Variants in UGGT2 observed in about 807,000 individuals in gnomAD.
UGGT2 encodes the protein UDP-glucose glycoprotein glucosyltransferase 2.
In UGGT2, 180 loss-of-function variants were observed where a neutral mutation model predicts 192.1. The observed-to-expected ratio is 0.94, with a 90% CI of 0.83 to 1.06. The LOEUF is 1.06. Ranked by LOEUF, UGGT2 falls within the 50% of genes least tolerant of loss-of-function variation. UGGT2 has a pLI of 0.00. For synonymous variants in UGGT2, 580 were observed against 591.0 expected (o/e 0.98, Z 0.27); for missense variants, 1,849 against 1,795.7 (o/e 1.03, Z -0.54).
chr13:95,983,194 T>C (rs2051181417), intron 10 of UGGT2, among the ~76,000 whole-genome samples: 1 of 152,182 alleles, frequency 6.6e-6, no homozygotes, highest in Non-Finnish European at 1.5e-5. Flanking sequence ...GTTGGTACCA[T>C]CCACCCTGCC....
rs746036072 is a variant in UGGT2 at position 95,877,745 on chromosome 13, T to C, written c.3340A>G (p.Thr1114Ala). The C allele has an allele frequency of 1.2e-6, 2 of 1,613,950 alleles. No homozygotes were observed. The highest frequency in any genetic ancestry group is 2.7e-5 in the African/African-American group (2 of 74,928). Residue 1114 changes from threonine (T) to alanine (A), a missense_variant, in exon 28 of 39, where the codon ACA becomes GCA. Thr to Ala is a moderately conservative substitution (Grantham distance 58, BLOSUM62 0). Transcript: ENST00000376747. Reference sequence around the variant, plus strand: ...TCAACCACAGCAGGTTTATTTTTTGTGCCTAGTGTGAACTGCAGACCCCGA... The same window carrying C: ...TCAACCACAGCAGGTTTATTTTTTGCGCCTAGTGTGAACTGCAGACCCCGA... Reference protein sequence around the residue: ...PPRGLQFTLGTKNKPAVVDTI... With the variant: ...PPRGLQFTLGAKNKPAVVDTI...
intron 10 of UGGT2, 28 bp downstream of exon 10, chr13:95,983,776 A>C: frequency 6.9e-7 from 1 of 1,453,202 alleles, no homozygotes; most frequent in South Asian, 1.3e-5. Context: ...AGTTGGGTAA[A>C]TGTTTTAAAA....
chr13:96,040,773 G>A (rs1343311611), intron 1 of UGGT2, among the ~76,000 whole-genome samples: 1 of 152,170 alleles, frequency 6.6e-6, no homozygotes, highest in Non-Finnish European at 1.5e-5. Context: ...AAATCAGACT[G>A]CGGCTAGACT....
At chr13:95,904,927 T>C (rs948847295) in intron 20 of UGGT2, among the ~76,000 whole-genome samples, 8 of 151,496 alleles carry the variant, frequency 5.3e-5, no homozygotes, top group South Asian at 2.1e-4. Flanking sequence ...GTAAAAGTGT[T>C]CCTATTTCTC....
At chr13:95,899,532 G>A (rs1472879943) in intron 22 of UGGT2, among the ~76,000 whole-genome samples, 1 of 151,986 alleles carries the variant, frequency 6.6e-6, no homozygotes, top group Non-Finnish European at 1.5e-5. Context: ...ACTGTATCTA[G>A]TATTTGTTAT....
At chr13:95,965,648 C>T (rs928265696) in intron 12 of UGGT2, among the ~76,000 whole-genome samples, 10 of 149,884 alleles carry the variant, frequency 6.7e-5, no homozygotes, top group South Asian at 4.2e-4. Flanking sequence ...TGCTAAATGA[C>T]GAGTTAATGG....
At chr13:96,053,091 A>T in intron 1 of UGGT2, 64 bp downstream of exon 1, 2 of 1,402,324 alleles carry the variant, frequency 1.4e-6, no homozygotes, top group Non-Finnish European at 1.8e-6. Context: ...GAGCACGAAG[A>T]AAGCGCGGCT....
chr13:95,803,608 C>G (rs995505672), intron 38 of UGGT2, among the ~76,000 whole-genome samples: 1 of 152,078 alleles, frequency 6.6e-6, no homozygotes, highest in South Asian at 2.1e-4. Flanking sequence ...AAAGCGCCCT[C>G]ATTTGGGCTT....
At chr13:95,887,326 G>A in intron 26 of UGGT2, 1 of 513,824 alleles carries the variant, frequency 1.9e-6, no homozygotes, top group Non-Finnish European at 3.9e-6. Context: ...CCATCAATAA[G>A]AATGGCTCAT....
intron 5 of UGGT2, among the ~76,000 whole-genome samples, chr13:96,008,292 AC>A (rs1454262176): frequency 1.3e-5 from 2 of 152,204 alleles, no homozygotes; most frequent in African/African-American, 4.8e-5. Flanking sequence ...TACCCATCTG[AC>A]AAGGGATTAA....
intron 17 of UGGT2, among the ~76,000 whole-genome samples, chr13:95,932,583 A>C (rs571246629): frequency 1.3e-5 from 2 of 152,136 alleles, no homozygotes; most frequent in African/African-American, 4.8e-5. Flanking sequence ...GATGCCTTTT[A>C]TTTATTGCTC....
intron 27 of UGGT2, among the ~76,000 whole-genome samples, chr13:95,882,288 T>A (rs1455547613): frequency 6.6e-6 from 1 of 152,226 alleles, no homozygotes; most frequent in African/African-American, 2.4e-5. Flanking sequence ...GTGACAATCA[T>A]GTGAACAAAG....
intron 7 of UGGT2, among the ~76,000 whole-genome samples, chr13:95,993,411 T>C (rs1273282353): frequency 6.6e-6 from 1 of 151,850 alleles, no homozygotes; most frequent in African/African-American, 2.4e-5. Flanking sequence ...AAAATAAAAT[T>C]AAATTAAAAT....
chr13:95,994,641 A>G (rs60542948), intron 7 of UGGT2, among the ~76,000 whole-genome samples: 3,200 of 152,060 alleles, frequency 0.021, 114 homozygotes, highest in African/African-American at 0.074. Context: ...TCCAAATTTA[A>G]AAACTTCCTA....
intron 1 of UGGT2, among the ~76,000 whole-genome samples, chr13:96,042,279 T>C (rs1348904031): frequency 1.3e-5 from 2 of 152,124 alleles, no homozygotes; most frequent in African/African-American, 4.8e-5. Flanking sequence ...TCTCTACAGC[T>C]TGGCTGTCAG....
intron 17 of UGGT2, among the ~76,000 whole-genome samples, chr13:95,932,816 G>C (rs1214364878): frequency 6.6e-6 from 1 of 152,072 alleles, no homozygotes; most frequent in Non-Finnish European, 1.5e-5. Context: ...TGATTTTATT[G>C]AATAATTTTT....
chr13:95,840,698 T>G (rs1046721322), intron 36 of UGGT2, among the ~76,000 whole-genome samples: 2 of 152,166 alleles, frequency 1.3e-5, no homozygotes, highest in Non-Finnish European at 2.9e-5. Flanking sequence ...ATCCCACTAC[T>G]GGGTATATAC....
At chr13:95,922,320 G>C (rs578047322) in intron 20 of UGGT2, among the ~76,000 whole-genome samples, 1 of 152,260 alleles carries the variant, frequency 6.6e-6, no homozygotes, top group African/African-American at 2.4e-5. Flanking sequence ...AGGGAGAAAG[G>C]GGGGCCACGA....
intron 30 of UGGT2, among the ~76,000 whole-genome samples, chr13:95,864,540 T>C (rs1285906232): frequency 6.6e-6 from 1 of 152,212 alleles, no homozygotes; most frequent in Admixed American, 6.5e-5. Flanking sequence ...CTGGGTTAGA[T>C]GAATTCTCCT....
Sources: allele counts gnomAD v4.1 joint callset (sites outside exome capture counted in the v4.1 genomes callset), GRCh38; gene constraint gnomAD v4.1.1; transcripts MANE v1.5; gene names NCBI Gene and HGNC (gene_info 2026-07-23, HGNC 2026-07-21).